Variants in TMEM132C observed in about 807,000 individuals in gnomAD.
TMEM132C encodes the protein protein phosphatase 1, regulatory subunit 152.
A neutral mutation model predicts 61.4 loss-of-function variants in TMEM132C; 29 were observed. The observed-to-expected ratio is 0.47, with a 90% CI of 0.35 to 0.64. The LOEUF (loss-of-function observed/expected upper bound fraction) is 0.64. Ranked by LOEUF, TMEM132C falls within the 30% of genes least tolerant of loss-of-function variation. The probability of loss-of-function intolerance (pLI) is 0.00; values close to 1 mark genes in which losing one functional copy is unlikely to be tolerated. For missense variants in TMEM132C, 1,408 were observed against 1,476.9 expected, an observed-to-expected ratio of 0.95 and a Z score of 0.76; for synonymous variants, 656 against 633.1, an observed-to-expected ratio of 1.04 and a Z score of -0.54.
intron 2 of TMEM132C, among the ~76,000 whole-genome samples, chr12:128,465,681 C>T (rs1218059532): frequency 6.6e-6 from 1 of 152,240 alleles, no homozygotes; most frequent in Non-Finnish European, 1.5e-5. Context: ...CCCTCACGAG[C>T]ACTGGAGTGA....
Position 128,499,619 on chromosome 12 carries a change from G to A in TMEM132C, c.975-44338G>A, listed in dbSNP as rs185834181. Among the ~76,000 whole-genome samples, 694 of 152,096 alleles carry A rather than the reference G, an allele frequency of 4.6e-3. 9 individuals carry two copies. The highest frequency in any genetic ancestry group is 4.3e-3 in the Non-Finnish European group (290 of 67,994). On this transcript the variant is annotated intron_variant, in intron 2 of 8. Transcript: ENST00000435159. ...TGTAAGTTCATTTTTAAGCTCCCAC[G>A]TATGAATGAGAACATGCAATATTTG...
rs1348906244 is a variant in TMEM132C at position 128,592,930 on chromosome 12, C to A, written c.1122-23222C>A. On this transcript the variant is annotated intron_variant, in intron 3 of 8. Coordinates refer to ENST00000435159, the MANE Select transcript of TMEM132C (RefSeq NM_001136103.3). ...GCCAGCCTGGCTCTGCAGTGGGGTT[C>A]CCTGAAGCCACAGCCACAGTCATCC... Among the ~76,000 whole-genome samples the A allele has an allele frequency of 5.9e-5, 9 of 152,216 alleles. No homozygotes were observed. The East Asian group carries it at 1.5e-3, about 26-fold the overall frequency.
intron 2 of TMEM132C, among the ~76,000 whole-genome samples, chr12:128,431,555 T>C (rs1301474458): frequency 2.8e-5 from 4 of 143,524 alleles, no homozygotes; most frequent in Non-Finnish European, 6.1e-5. Context: ...TAGGACTTTT[T>C]TTTTTTTTTT....
Position 128,705,319 on chromosome 12 carries a change from G to C in TMEM132C, c.2351G>C (p.Arg784Pro). The stretch of plus-strand genomic sequence containing the variant: ...GCCGAGGCCTGCCAGAAATCTAAAC[G>C]CAAGAGCATCCTGGCTGTGGGCGTC... ...TIAEACQKSK[R>P]KSILAVGVGN... The change falls in exon 9 of 9, where the codon CGC becomes CCC. Residue 784 changes from arginine to proline, a missense_variant. Arg to Pro is a moderately radical substitution (Grantham distance 103). Transcript: ENST00000435159. The C allele has an allele frequency of 6.4e-7, 1 of 1,551,278 alleles. No individual in the cohort carries two copies. The highest frequency in any genetic ancestry group is 1.2e-5 in the South Asian group (1 of 84,054).
intron 1 of TMEM132C, among the ~76,000 whole-genome samples, chr12:128,341,115 A>AT (rs577838903): frequency 0.016 from 2,486 of 151,870 alleles, 34 homozygotes; most frequent in Non-Finnish European, 0.025. Flanking sequence ...TAGTTTTTGT[A>AT]TTTTTGGTAG....
Position 128,693,902 on chromosome 12 carries a change from T to A in TMEM132C, c.1523T>A (p.Phe508Tyr), listed in dbSNP as rs1187623704. 6.4e-7 allele frequency: 1 copy of A among 1,551,610 alleles called. No individual in the cohort carries two copies. Among genetic ancestry groups the A allele is most frequent in the Non-Finnish European group, 8.7e-7 (1 of 1,147,028 alleles). Residue 508 changes from phenylalanine (F) to tyrosine (Y), a missense_variant, in exon 6 of 9, where the codon TTC (phenylalanine) becomes TAC (tyrosine). By Grantham distance (22) the Phe-to-Tyr change is conservative. Coordinates refer to ENST00000435159, the MANE Select transcript of TMEM132C (RefSeq NM_001136103.3). ...IKGKMDAVVNFTYQYLSAPLC... is the reference protein window; with the variant it reads ...IKGKMDAVVNYTYQYLSAPLC... ...GGAAAGATGGATGCGGTGGTGAACT[T>A]CACATACCAGTACCTGAGCGCCCCC...
At chr12:128,397,725 G>T (rs1875012627) in intron 1 of TMEM132C, among the ~76,000 whole-genome samples, 2 of 152,016 alleles carry the variant, frequency 1.3e-5, no homozygotes, top group South Asian at 4.2e-4. Context: ...GAGTCCTCCT[G>T]CTTCTCTCCT....
At chr12:128,666,743 G>A (rs537940341) in intron 4 of TMEM132C, among the ~76,000 whole-genome samples, 16 of 152,168 alleles carry the variant, frequency 1.1e-4, no homozygotes, top group Non-Finnish European at 1.5e-4. Flanking sequence ...GTTTATTCTG[G>A]AGGCCAAAGT....
intron 2 of TMEM132C, among the ~76,000 whole-genome samples, chr12:128,489,505 C>G (rs950111950): frequency 1.3e-5 from 2 of 150,450 alleles, no homozygotes; most frequent in Non-Finnish European, 2.9e-5. Context: ...GCAGGACAGA[C>G]TACTTGTGAG....
chr12:128,430,689 C>G (rs1869354038), intron 2 of TMEM132C, among the ~76,000 whole-genome samples: 1 of 152,176 alleles, frequency 6.6e-6, no homozygotes, highest in Non-Finnish European at 1.5e-5. Context: ...CACATTTTGA[C>G]AATTCTTGGA....
chr12:128,463,686 G>A (rs574969430), intron 2 of TMEM132C, among the ~76,000 whole-genome samples: 21 of 151,880 alleles, frequency 1.4e-4, no homozygotes, highest in Middle Eastern at 3.4e-3. Flanking sequence ...TGTGTTCCCC[G>A]TTCCTCTCCC....
chr12:128,532,138 CAGG>C (rs1357870767), intron 2 of TMEM132C, among the ~76,000 whole-genome samples: 2 of 152,130 alleles, frequency 1.3e-5, no homozygotes, highest in Non-Finnish European at 2.9e-5. Context: ...ATGCTAGCAG[CAGG>C]AGATGTTCTT....
intron 3 of TMEM132C, among the ~76,000 whole-genome samples, chr12:128,606,488 G>C (rs965405918): frequency 6.6e-6 from 1 of 152,166 alleles, no homozygotes; most frequent in East Asian, 1.9e-4. Context: ...AATTGGATTC[G>C]CTTCAACATT....
intron 1 of TMEM132C, among the ~76,000 whole-genome samples, chr12:128,400,964 C>T (rs1044298014): frequency 1.2e-4 from 18 of 152,042 alleles, no homozygotes; most frequent in Admixed American, 2.0e-4. Flanking sequence ...GTAAAATGTA[C>T]CCTTGGGAGC....
chr12:128,530,545 G>C (rs1403647086), intron 2 of TMEM132C, among the ~76,000 whole-genome samples: 2 of 151,918 alleles, frequency 1.3e-5, no homozygotes, highest in African/African-American at 4.8e-5. Context: ...CCTTGTTCAA[G>C]CGCTTCTCCT....
intron 6 of TMEM132C, among the ~76,000 whole-genome samples, chr12:128,694,970 T>G (rs1358485425): frequency 2.0e-5 from 3 of 152,240 alleles, no homozygotes; most frequent in African/African-American, 7.2e-5. Flanking sequence ...TTTCCTCATC[T>G]GTTCATGAGA....
At chr12:128,673,341 G>T (rs1230775463) in intron 5 of TMEM132C, among the ~76,000 whole-genome samples, 1 of 152,206 alleles carries the variant, frequency 6.6e-6, no homozygotes, top group Non-Finnish European at 1.5e-5. Flanking sequence ...AGCCAGGAGG[G>T]CTCTCAGTAG....
At chr12:128,408,322 TTATGTC>T (rs1333222741) in intron 1 of TMEM132C, among the ~76,000 whole-genome samples, 29 of 152,198 alleles carry the variant, frequency 1.9e-4, no homozygotes, top group South Asian at 4.1e-4. Flanking sequence ...AAAGGAATCT[TTATGTC>T]TAGGAAGAAT....
At chr12:128,303,910 G>T (rs934493776) in intron 1 of TMEM132C, among the ~76,000 whole-genome samples, 1 of 152,134 alleles carries the variant, frequency 6.6e-6, no homozygotes, top group African/African-American at 2.4e-5. Context: ...AAGCATGGGT[G>T]AAAGTATGAA....
Sources: allele counts gnomAD v4.1 joint callset (sites outside exome capture counted in the v4.1 genomes callset), GRCh38; gene constraint gnomAD v4.1.1; transcripts MANE v1.5; gene names NCBI Gene and HGNC (gene_info 2026-07-23, HGNC 2026-07-21).